Variants in TCF12 observed in about 807,000 individuals in gnomAD.
The protein encoded by TCF12 is DNA-binding protein HTF4.
TCF12 carries 45 observed loss-of-function variants against 86.0 expected under a neutral mutation model. That is an observed-to-expected ratio of 0.52 (90% CI 0.41 to 0.67). The LOEUF (loss-of-function observed/expected upper bound fraction) is 0.67. Ranked by LOEUF, TCF12 falls within the 30% of genes least tolerant of loss-of-function variation. The pLI, the probability that TCF12 is intolerant of heterozygous loss-of-function variation, is 0.00. For synonymous variants in TCF12, 330 were observed against 299.6 expected (o/e 1.10, Z -1.05); for missense variants, 881 against 859.9 (o/e 1.02, Z -0.31).
intron 8 of TCF12, among the ~76,000 whole-genome samples, chr15:57,202,992 C>T (rs112771389): frequency 6.6e-6 from 1 of 151,338 alleles, no homozygotes; most frequent in African/African-American, 2.4e-5. Flanking sequence ...GAAAAGCAAA[C>T]AAAAAAAAGT....
At chr15:57,155,745 A>G (rs1469962735) in intron 5 of TCF12, among the ~76,000 whole-genome samples, 1 of 152,202 alleles carries the variant, frequency 6.6e-6, no homozygotes, top group Admixed American at 6.5e-5. Flanking sequence ...GCGCCACTGC[A>G]TTCCAGCCTG....
chr15:56,988,481 A>G (rs1296851754), intron 3 of TCF12, among the ~76,000 whole-genome samples: 1 of 152,164 alleles, frequency 6.6e-6, no homozygotes, highest in Admixed American at 6.5e-5. Flanking sequence ...GTTGACCCAA[A>G]TGTCATTATG....
At chr15:56,999,905 TAAAA>T (rs1211612071) in intron 3 of TCF12, among the ~76,000 whole-genome samples, 34 of 151,910 alleles carry the variant, frequency 2.2e-4, no homozygotes, top group African/African-American at 7.2e-4. Flanking sequence ...TCATAATTAA[TAAAA>T]AAAGAAATAT....
chr15:57,262,346 G>C, intron 17 of TCF12, 138 bp downstream of exon 17: 4 of 688,012 alleles, frequency 5.8e-6, no homozygotes, highest in Non-Finnish European at 9.6e-6. Flanking sequence ...GTGGAGAGCA[G>C]ATATTTAGGG....
At chr15:57,191,096 A>T (rs935519126) in intron 6 of TCF12, among the ~76,000 whole-genome samples, 1 of 152,176 alleles carries the variant, frequency 6.6e-6, no homozygotes, top group Non-Finnish European at 1.5e-5. Context: ...ACATAAATAG[A>T]TTGCTTAAAT....
Position 57,288,547 on chromosome 15 carries a change from AAAT to A in TCF12, c.*2409_*2411del. On this transcript the variant is annotated 3_prime_UTR_variant, in exon 21 of 21. Transcript: ENST00000333725. ...TGAGTTTTTTACATTTCTCTTTCTC[AAAT>A]AATAATGTATTTTGTTTTATTTTCT... 1 of 152,476 alleles carries A rather than the reference AAAT, an allele frequency of 6.6e-6. No individual in the cohort carries two copies. The highest frequency in any genetic ancestry group is 1.5e-5 in the Non-Finnish European group (1 of 68,016). The allele number at this position is 152,476 out of a possible 1,614,324, so 9.4% of individuals were successfully genotyped here. A position where few individuals can be genotyped will look rare whatever the true frequency, so the allele number is the denominator to read the frequency against.
At chr15:57,238,661 A>G (rs1201556017) in intron 12 of TCF12, among the ~76,000 whole-genome samples, 1 of 152,224 alleles carries the variant, frequency 6.6e-6, no homozygotes, top group Non-Finnish European at 1.5e-5. Context: ...ATCAGTTAGT[A>G]TTATAGCAAA....
At chr15:57,193,533 TG>T (rs2057093514) in intron 7 of TCF12, among the ~76,000 whole-genome samples, 2 of 152,232 alleles carry the variant, frequency 1.3e-5, no homozygotes, top group African/African-American at 4.8e-5. Context: ...TGTGTTTAAA[TG>T]TCAGAATTTC....
intron 8 of TCF12, among the ~76,000 whole-genome samples, chr15:57,205,416 C>T (rs2057763373): frequency 6.6e-6 from 1 of 152,232 alleles, no homozygotes; most frequent in Non-Finnish European, 1.5e-5. Context: ...TGCTGAACTT[C>T]ATGAGTAAAC....
At chr15:57,021,766 G>C (rs559462021) in intron 3 of TCF12, among the ~76,000 whole-genome samples, 1 of 151,226 alleles carries the variant, frequency 6.6e-6, no homozygotes, top group South Asian at 2.1e-4. Flanking sequence ...TCAACCAAGC[G>C]TGAATCGAAA....
At position 57,253,246 on chromosome 15, in the gene TCF12, T is replaced by A; in HGVS notation, c.1261-16T>A. ...TGCCAGCAATAACCACCATGTTTTT[T>A]TTTTAATCCATACAGCAGTCTCGAA... is the stretch of plus-strand genomic sequence containing the variant. On this transcript the variant is annotated splice_polypyrimidine_tract_variant and intron_variant, in intron 15 of 20. Coordinates refer to ENST00000333725, the MANE Select transcript of TCF12 (RefSeq NM_207037.2). 1.9e-6 allele frequency: 3 copies of A among 1,613,254 alleles called. No individual in the cohort carries two copies. Among genetic ancestry groups the A allele is most frequent in the Non-Finnish European group, 2.5e-6 (3 of 1,179,324 alleles).
chr15:56,923,049 G>A (rs749681950), intron 3 of TCF12, among the ~76,000 whole-genome samples: 1 of 151,984 alleles, frequency 6.6e-6, no homozygotes, highest in Non-Finnish European at 1.5e-5. Context: ...TCCTTTTGAA[G>A]AGCTGCTGTA....
chr15:57,097,254 T>G (rs1386365269), intron 5 of TCF12, among the ~76,000 whole-genome samples: 1 of 152,100 alleles, frequency 6.6e-6, no homozygotes, highest in African/African-American at 2.4e-5. Context: ...AAGTTAACTC[T>G]TTTGGCTTAG....
At chr15:57,075,786 CTTTCTTTCTTTCTT>C (rs1209359725) in intron 4 of TCF12, among the ~76,000 whole-genome samples, 54 of 56,336 alleles carry the variant, frequency 9.6e-4, no homozygotes, top group South Asian at 4.0e-3. Context: ...TTCTTTCTTT[CTTTCTTTCTTTCTT>C]TCTTTCTCTC....
chr15:57,087,730 A>G (rs2048742175), intron 4 of TCF12, among the ~76,000 whole-genome samples: 2 of 152,228 alleles, frequency 1.3e-5, no homozygotes, highest in Admixed American at 1.3e-4. Flanking sequence ...AACTGATTTT[A>G]TCAATTATTA....
intron 5 of TCF12, among the ~76,000 whole-genome samples, chr15:57,158,992 T>C (rs1446754827): frequency 6.6e-6 from 1 of 152,254 alleles, no homozygotes; most frequent in Non-Finnish European, 1.5e-5. Flanking sequence ...TTCTCTTTTC[T>C]TTAAAAACAA....
At chr15:57,160,715 C>T (rs1198533677) in intron 5 of TCF12, among the ~76,000 whole-genome samples, 1 of 151,838 alleles carries the variant, frequency 6.6e-6, no homozygotes, top group African/African-American at 2.4e-5. Flanking sequence ...TTTTTTGAGG[C>T]AGGGTCTCAC....
At chr15:56,925,100 G>A (rs1156348533) in intron 3 of TCF12, among the ~76,000 whole-genome samples, 15 of 152,114 alleles carry the variant, frequency 9.9e-5, no homozygotes, top group Admixed American at 3.9e-4. Flanking sequence ...TCAGGAGGCT[G>A]GGGTGGGAGA....
intron 13 of TCF12, among the ~76,000 whole-genome samples, chr15:57,250,732 A>G (rs1366169287): frequency 6.6e-6 from 1 of 151,624 alleles, no homozygotes; most frequent in Admixed American, 6.6e-5. Context: ...CCATCTCAAA[A>G]AAAAAAGAAA....
Sources: gnomAD v4.1 joint callset for allele counts (sites outside exome capture counted in the v4.1 genomes callset) on GRCh38, gnomAD v4.1.1 for gene constraint, MANE v1.5 for transcripts, NCBI Gene and HGNC (gene_info 2026-07-23, HGNC 2026-07-21) for gene names.